The following MED23 variants were observed in gnomAD, a reference collection of about 807,000 sequenced individuals.
MED23 encodes the protein mediator complex subunit 23, also known as mediator of RNA polymerase II transcription subunit 23.
A neutral mutation model predicts 163.9 loss-of-function variants in MED23; 105 were observed. The observed-to-expected ratio is 0.64, with a 90% CI of 0.55 to 0.75. MED23 has a LOEUF of 0.75. Among genes scored for constraint, MED23 ranks in the 30% least tolerant of loss-of-function variants. The pLI is 0.00. For missense variants in MED23, 1,054 were observed against 1,649.0 expected (o/e 0.64, Z 6.25); for synonymous variants, 561 against 565.6 (o/e 0.99, Z 0.12).
chr6:131,582,670 A>C, downstream of MED23: 1 of 1,613,942 alleles, frequency 6.2e-7, no homozygotes, highest in Non-Finnish European at 8.5e-7. Flanking sequence ...ATATCTGCCA[A>C]GGATATTGTG....
At chr6:131,604,487 GCACAATCTGAGACTCATTCCGTTT>G (rs1775712490) in intron 14 of MED23, among the ~76,000 whole-genome samples, 167 bp from the exon 15 acceptor site, 1 of 152,158 alleles carries the variant, frequency 6.6e-6, no homozygotes, top group Admixed American at 6.5e-5. Flanking sequence ...AGGATGCACT[GCACAATCTGAGACTCATTCCGTTT>G]CTGTGGCGCT....
chr6:131,597,189 C>T (rs976055137), intron 20 of MED23, among the ~76,000 whole-genome samples: 2 of 151,986 alleles, frequency 1.3e-5, no homozygotes, highest in African/African-American at 4.8e-5. Context: ...AAGAAATCTA[C>T]CCGAAGGCCA....
chr6:131,609,203 T>C (rs1414565830), intron 11 of MED23, among the ~76,000 whole-genome samples: 1 of 152,198 alleles, frequency 6.6e-6, no homozygotes, highest in Non-Finnish European at 1.5e-5. Context: ...AACTTGCATA[T>C]GATGATGCCA....
At chr6:131,589,693 A>G in intron 27 of MED23, 97 bp from the exon 28 acceptor site, 1 of 1,129,848 alleles carries the variant, frequency 8.9e-7, no homozygotes, top group East Asian at 2.5e-5. Flanking sequence ...GCACCGGGGG[A>G]TACTGTCTTT....
At chr6:131,610,352 T>A in intron 10 of MED23, 106 bp from the exon 11 acceptor site, 1 of 1,106,304 alleles carries the variant, frequency 9.0e-7, no homozygotes, top group East Asian at 2.6e-5. Context: ...AAGCACGGAA[T>A]GAAGTTGAAC....
chr6:131,606,845 G>A (rs1585517581), intron 12 of MED23, among the ~76,000 whole-genome samples: 1 of 152,052 alleles, frequency 6.6e-6, no homozygotes, highest in African/African-American at 2.4e-5. Context: ...CTTGCTTTAA[G>A]TAACACATAT....
rs759876978 is a variant in MED23 at position 131,587,757 on chromosome 6, C to CA, written c.4028dup (p.Pro1344AlafsTer15). ...ACCCACTGTTCATGGCTTGTGGAGG[C>CA]ACTGCAGCTGGCTCCATCTTGCTAA... On this transcript the variant is annotated frameshift_variant, in exon 29 of 29. Coordinates refer to ENST00000368068, the MANE Select transcript of MED23 (RefSeq NM_004830.4). LOFTEE classifies it high-confidence loss of function. 6.2e-7 allele frequency: 1 copy of CA among 1,614,090 alleles called. No homozygotes were observed. The highest frequency in any genetic ancestry group is 1.1e-5 in the South Asian group (1 of 91,086).
rs1585438203 is a variant in MED23, at chr6:131,586,777, T to C, written c.*902A>G. 4 of 1,482,168 alleles carry C rather than the reference T, an allele frequency of 2.7e-6. No individual in the cohort carries two copies. The highest frequency in any genetic ancestry group is 2.4e-5 in the South Asian group (2 of 81,980). The allele number at this position is 1,482,168 out of a possible 1,614,324, so 91.8% of individuals were successfully genotyped here. A position where few individuals can be genotyped will look rare whatever the true frequency, so the allele number is the denominator to read the frequency against. On this transcript the variant is annotated 3_prime_UTR_variant, in exon 29 of 29. Coordinates refer to ENST00000368068, the MANE Select transcript of MED23 (RefSeq NM_004830.4). The stretch of plus-strand genomic sequence containing the variant: ...TTATTCATTCAGCAGACTTTACTCA[T>C]TAGTTTTCAAGTCTTTCGCAATGCC...
chr6:131,586,732 T>G lies in MED23; in HGVS notation c.*947A>C. The G allele has an allele frequency of 7.0e-7, 1 of 1,434,406 alleles. No individual in the cohort carries two copies. The highest frequency in any genetic ancestry group is 9.3e-7 in the Non-Finnish European group (1 of 1,076,746). The allele number at this position is 1,434,406 out of a possible 1,614,324, so 88.9% of individuals were successfully genotyped here. On this transcript the variant is annotated 3_prime_UTR_variant, in exon 29 of 29. Transcript: ENST00000368068. ...ACAGCCGACACTCATTCCAATGGAG[T>G]CGGGAAACAATCACACGGTTTATTC...
chr6:131,608,109 A>C (rs747805181), intron 11 of MED23, 38 bp from the exon 12 acceptor site: 16 of 1,608,482 alleles, frequency 9.9e-6, no homozygotes, highest in Non-Finnish European at 1.3e-5. Context: ...ATACACTGCT[A>C]CTTAAAGAGA....
downstream of MED23, among the ~76,000 whole-genome samples, chr6:131,581,762 G>C (rs548213127): frequency 2.0e-5 from 3 of 152,222 alleles, no homozygotes; most frequent in South Asian, 6.2e-4. Context: ...ATGCCACACA[G>C]TTCTGCATTC....
downstream of MED23, chr6:131,583,151 T>G: frequency 6.2e-7 from 1 of 1,613,654 alleles, no homozygotes; most frequent in Admixed American, 1.7e-5. Flanking sequence ...AACACTCAGC[T>G]ATCTACTAGG....
intron 1 of MED23, 88 bp downstream of exon 1, chr6:131,627,923 G>A: frequency 6.5e-7 from 1 of 1,533,024 alleles, no homozygotes; most frequent in South Asian, 1.1e-5. Context: ...CGTGAGAGGA[G>A]GTTGCCCAGG....
In MED23 at chr6:131,610,103, G is replaced by T; in HGVS notation, c.1020C>A (p.Phe340Leu). 1 of 1,613,998 alleles carries T rather than the reference G, an allele frequency of 6.2e-7. No individual in the cohort carries two copies. Among genetic ancestry groups the T allele is most frequent in the Non-Finnish European group, 8.5e-7 (1 of 1,179,936 alleles). Reference sequence around the variant, plus strand: ...AACTTGCAAACTGGAAAAGCACAAAGAAAATGAGCTGACTTGAGAGATGCT... The same window carrying T: ...AACTTGCAAACTGGAAAAGCACAAATAAAATGAGCTGACTTGAGAGATGCT... ...LWQHLSSQLI[F>L]FVLFQFASFP... The change falls in exon 11 of 29, where the codon TTC becomes TTA. Residue 340 changes from phenylalanine to leucine, a missense_variant. Physicochemically the swap from Phe to Leu is conservative, Grantham distance 22. Transcript: ENST00000368068.
intron 5 of MED23, among the ~76,000 whole-genome samples, chr6:131,622,448 C>T (rs1471226963): frequency 1.3e-5 from 2 of 152,090 alleles, no homozygotes; most frequent in African/African-American, 4.8e-5. Context: ...CATCACATAC[C>T]TTAATCTCTC....
Position 131,627,673 on chromosome 6 carries a change from C to T in MED23, c.40-1G>A. The T allele has an allele frequency of 6.7e-7, 1 of 1,481,892 alleles. No individual in the cohort carries two copies. The highest frequency in any genetic ancestry group is 1.9e-5 in the Admixed American group (1 of 52,654). 91.8% of individuals were successfully genotyped at this position (1,481,892 alleles called of 1,614,324 possible). The stretch of plus-strand genomic sequence containing the variant: ...AAGCCTCTTCTATAACTTCCGTTTT[C>T]TGTAAAAAAAAAAAAAACAAAATGT... On this transcript the variant is annotated splice_acceptor_variant, in intron 1 of 28. Transcript: ENST00000368068. LOFTEE classifies it high-confidence loss of function.
downstream of MED23, among the ~76,000 whole-genome samples, chr6:131,584,828 C>CAA (rs1300819597): frequency 2.1e-5 from 3 of 145,026 alleles, no homozygotes; most frequent in Non-Finnish European, 3.0e-5. Context: ...CACACACACA[C>CAA]ACACACACAC....
intron 30 of MED23, among the ~76,000 whole-genome samples, chr6:131,577,436 C>T (rs1773673714): frequency 6.6e-6 from 1 of 152,092 alleles, no homozygotes; most frequent in Non-Finnish European, 1.5e-5. Flanking sequence ...AAGTACAAGT[C>T]TTTGTGTGGA....
At chr6:131,581,854 T>TACATTA (rs1453726061), downstream of MED23, among the ~76,000 whole-genome samples, 1 of 152,222 alleles carries the variant, frequency 6.6e-6, no homozygotes, top group Non-Finnish European at 1.5e-5. Flanking sequence ...TATGAACTAA[T>TACATTA]GTATTTACTG....
Sources: gnomAD v4.1 joint callset for allele counts (sites outside exome capture counted in the v4.1 genomes callset) on GRCh38, gnomAD v4.1.1 for gene constraint, MANE v1.5 for transcripts, NCBI Gene and HGNC (gene_info 2026-07-23, HGNC 2026-07-21) for gene names.